PBX1: variants seen among roughly 807,000 people sequenced by gnomAD.
The protein encoded by PBX1 is PBX homeobox 1.
Under a neutral mutation model 53.4 loss-of-function variants are expected in PBX1, and 6 were observed. That is an observed-to-expected ratio of 0.11 (90% CI 0.06 to 0.22). PBX1 has a LOEUF of 0.22. Among genes scored for constraint, PBX1 ranks in the 10% least tolerant of loss-of-function variants. PBX1 has a pLI of 1.00. For synonymous variants in PBX1, 204 were observed against 212.3 expected, an observed-to-expected ratio of 0.96 and a Z score of 0.34; for missense variants, 251 against 551.4, an observed-to-expected ratio of 0.46 and a Z score of 5.46.
At chr1:164,699,800 A>G (rs1438866517) in intron 2 of PBX1, among the ~76,000 whole-genome samples, 1 of 152,112 alleles carries the variant, frequency 6.6e-6, no homozygotes, top group African/African-American at 2.4e-5. Context: ...AGAATAATAT[A>G]AAAAAGCCCA....
chr1:164,688,687 A>T (rs1291792727), intron 2 of PBX1, among the ~76,000 whole-genome samples: 1 of 151,698 alleles, frequency 6.6e-6, no homozygotes, highest in Non-Finnish European at 1.5e-5. Flanking sequence ...ACAACACATG[A>T]CTCTGTCGCC....
intron 2 of PBX1, among the ~76,000 whole-genome samples, chr1:164,698,925 C>T (rs1049745670): frequency 1.3e-4 from 20 of 152,170 alleles, no homozygotes; most frequent in African/African-American, 4.8e-4. Flanking sequence ...AAACAAGGTC[C>T]CAAGCCAGTA....
At chr1:164,649,571 C>T (rs1403407850) in intron 2 of PBX1, among the ~76,000 whole-genome samples, 2 of 152,138 alleles carry the variant, frequency 1.3e-5, no homozygotes, top group African/African-American at 4.8e-5. Context: ...TGGCTTGGAG[C>T]CATGGCCACT....
intron 8 of PBX1, among the ~76,000 whole-genome samples, chr1:164,838,335 A>G (rs1023096612): frequency 6.6e-6 from 1 of 152,218 alleles, no homozygotes; most frequent in African/African-American, 2.4e-5. Context: ...AAGCCTCAGA[A>G]GCATAGCCCT....
At chr1:164,634,756 T>C (rs1658634122) in intron 2 of PBX1, among the ~76,000 whole-genome samples, 1 of 152,180 alleles carries the variant, frequency 6.6e-6, no homozygotes, top group Non-Finnish European at 1.5e-5. Context: ...GTCTTTGTTG[T>C]AGGGAAATAA....
chr1:164,763,927 G>T (rs1053471095), intron 2 of PBX1, among the ~76,000 whole-genome samples: 3 of 152,088 alleles, frequency 2.0e-5, no homozygotes, highest in African/African-American at 7.2e-5. Context: ...TTCCCCCTTG[G>T]TGTTACTTCC....
chr1:164,612,643 A>C (rs1657014190), intron 2 of PBX1, among the ~76,000 whole-genome samples: 1 of 152,022 alleles, frequency 6.6e-6, no homozygotes, highest in Admixed American at 6.6e-5. Context: ...GAATGAAAAG[A>C]GACAAAAGAT....
In PBX1 at chr1:164,828,014, T is replaced by G. The variant is rs1317588249; in HGVS notation, c.1200+6388T>G. ...GACTAGACCAAGGGAACTGACCAAC[T>G]CTATAGCCTAGGAGGGAATTTGAAA... is the stretch of plus-strand genomic sequence containing the variant. On this transcript the variant is annotated intron_variant, in intron 8 of 8. Transcript: ENST00000420696. Among the ~76,000 whole-genome samples, 2 of 152,096 alleles carry G rather than the reference T, an allele frequency of 1.3e-5. 1 individual carries two copies. The highest frequency in any genetic ancestry group is 4.1e-4 in the South Asian group (2 of 4,824).
intron 2 of PBX1, among the ~76,000 whole-genome samples, chr1:164,857,147 C>G (rs1016232661): frequency 2.6e-5 from 4 of 152,184 alleles, no homozygotes; most frequent in African/African-American, 9.7e-5. Flanking sequence ...CAGACACCAG[C>G]AACAAGTATT....
chr1:164,698,191 A>T (rs756637179), intron 2 of PBX1, among the ~76,000 whole-genome samples: 95 of 152,278 alleles, frequency 6.2e-4, no homozygotes, highest in Non-Finnish European at 1.1e-3. Context: ...TAGAAAAAAG[A>T]AATACCACGG....
intron 2 of PBX1, among the ~76,000 whole-genome samples, chr1:164,627,048 C>G (rs1177753963): frequency 1.3e-5 from 2 of 152,174 alleles, no homozygotes; most frequent in African/African-American, 4.8e-5. Flanking sequence ...CCTCCTGCAT[C>G]TCCTTTTGGC....
intron 2 of PBX1, among the ~76,000 whole-genome samples, chr1:164,576,059 C>T (rs1654209584): frequency 6.6e-6 from 1 of 152,110 alleles, no homozygotes; most frequent in African/African-American, 2.4e-5. Context: ...TCGTTCAGAC[C>T]ACGTAGAAAA....
At chr1:164,641,539 A>G (rs1036819730) in intron 2 of PBX1, 4 of 152,334 alleles carry the variant, frequency 2.6e-5, no homozygotes, top group African/African-American at 9.7e-5. Context: ...CTTGGTTGCC[A>G]CCAAAGGCAG....
intron 1 of PBX1, chr1:164,560,234 G>T (rs2275559): frequency 2.4e-6 from 1 of 422,020 alleles, no homozygotes. Flanking sequence ...GTACATATTT[G>T]TGTGTGTGTG....
In PBX1 at chr1:164,869,293, C is replaced by A. The variant is rs1355048229; in HGVS notation, n.258-29895C>A. 2.0e-5 allele frequency among the ~76,000 whole-genome samples: 3 copies of A among 152,166 alleles called. No homozygotes were observed. In the East Asian group the frequency reaches 5.8e-4, roughly 29 times the overall value. ...CACAATTCTAAGTCCATAGTTAAAA[C>A]CCCAGGAGATCCATCTGCCTGTTTC... is the stretch of plus-strand genomic sequence containing the variant. On this transcript the variant is annotated intron_variant and non_coding_transcript_variant, in intron 2 of 2. Transcript: ENST00000558796.
At chr1:164,838,645 G>C (rs1205173545) in intron 8 of PBX1, among the ~76,000 whole-genome samples, 3 of 152,154 alleles carry the variant, frequency 2.0e-5, no homozygotes, top group African/African-American at 7.2e-5. Flanking sequence ...TGGGTACTAA[G>C]TCTGGCAAAT....
rs1193360504 is a variant in PBX1, at chr1:164,609,134, G to A, written c.265+45823G>A. Among the ~76,000 whole-genome samples the A allele has an allele frequency of 1.3e-5, 2 of 152,018 alleles. 1 individual carries two copies. The highest frequency in any genetic ancestry group is 3.9e-4 in the East Asian group (2 of 5,180). ...GGGCCAGAGGTGTCAGACTTTTCAG[G>A]AGGCCTCTTTGTTCTTTTCTTTTCT... is the stretch of plus-strand genomic sequence containing the variant. On this transcript the variant is annotated intron_variant, in intron 2 of 8. Coordinates refer to ENST00000420696, the MANE Select transcript of PBX1 (RefSeq NM_002585.4).
chr1:164,668,946 C>T (rs1342272188), intron 2 of PBX1, among the ~76,000 whole-genome samples: 4 of 152,170 alleles, frequency 2.6e-5, no homozygotes, highest in South Asian at 2.1e-4. Flanking sequence ...TTTTAGCACA[C>T]GTCTGCTTGG....
intron 2 of PBX1, among the ~76,000 whole-genome samples, chr1:164,693,014 G>T (rs1452784375): frequency 6.6e-6 from 1 of 152,216 alleles, no homozygotes; most frequent in Non-Finnish European, 1.5e-5. Context: ...CCCCAGAGAG[G>T]TTTATGGCTA....
Sources: allele counts gnomAD v4.1 joint callset (sites outside exome capture counted in the v4.1 genomes callset), GRCh38; gene constraint gnomAD v4.1.1; transcripts MANE v1.5; gene names NCBI Gene and HGNC (gene_info 2026-07-23, HGNC 2026-07-21).